Variants in NKAIN2 observed in about 807,000 individuals in gnomAD.
NKAIN2 encodes sodium/potassium-transporting ATPase subunit beta-1-interacting protein 2.
Under a neutral mutation model 32.6 loss-of-function variants are expected in NKAIN2, and 14 were observed. The observed-to-expected ratio is 0.43, with a 90% confidence interval of 0.28 to 0.67. The LOEUF is 0.67. NKAIN2 is among the 30% of genes least tolerant of loss of function. The pLI, the probability that NKAIN2 is intolerant of heterozygous loss-of-function variation, is 0.17. For synonymous variants in NKAIN2, 80 were observed against 87.2 expected (o/e 0.92, Z 0.46); for missense variants, 198 against 258.3 (o/e 0.77, Z 1.60).
At chr6:124,785,783 C>T (rs1779473737) in intron 4 of NKAIN2, among the ~76,000 whole-genome samples, 1 of 152,164 alleles carries the variant, frequency 6.6e-6, no homozygotes, top group Non-Finnish European at 1.5e-5. Flanking sequence ...GGCGGACTGG[C>T]CTCAGTACTG....
chr6:124,563,890 A>C (rs1780799871), intron 3 of NKAIN2, among the ~76,000 whole-genome samples: 1 of 151,100 alleles, frequency 6.6e-6, no homozygotes, highest in Non-Finnish European at 1.5e-5. Flanking sequence ...GTGTATCATC[A>C]CATGTAGAGG....
At chr6:124,075,063 T>C (rs924794491) in intron 1 of NKAIN2, among the ~76,000 whole-genome samples, 1 of 152,210 alleles carries the variant, frequency 6.6e-6, no homozygotes, top group Non-Finnish European at 1.5e-5. Context: ...AGTCCTGTGA[T>C]AGATATTTAT....
At chr6:124,258,105 A>G (rs1168373797) in intron 1 of NKAIN2, among the ~76,000 whole-genome samples, 2 of 151,324 alleles carry the variant, frequency 1.3e-5, no homozygotes, top group South Asian at 4.2e-4. Flanking sequence ...AAACAGGCAT[A>G]TGAAGCAGAT....
At chr6:124,612,253 AAAAT>A (rs1469163362) in intron 3 of NKAIN2, among the ~76,000 whole-genome samples, 1 of 152,030 alleles carries the variant, frequency 6.6e-6, no homozygotes, top group Non-Finnish European at 1.5e-5. Context: ...GGGGGAAAAA[AAAAT>A]AAAAACTGCT....
intron 1 of NKAIN2, among the ~76,000 whole-genome samples, chr6:124,225,832 T>C (rs545509285): frequency 1.4e-4 from 22 of 152,146 alleles, no homozygotes; most frequent in African/African-American, 4.8e-4. Context: ...GAATATGTCA[T>C]AGGATCCAGA....
intron 3 of NKAIN2, among the ~76,000 whole-genome samples, chr6:124,583,875 A>G (rs186333876): frequency 1.1e-3 from 171 of 152,352 alleles, no homozygotes; most frequent in African/African-American, 3.7e-3. Flanking sequence ...TAAAGGTGCC[A>G]AGAACATACA....
chr6:124,513,438 C>T (rs936917941), intron 3 of NKAIN2, among the ~76,000 whole-genome samples: 4 of 152,046 alleles, frequency 2.6e-5, no homozygotes, highest in African/African-American at 9.7e-5. Context: ...AATATTGTAT[C>T]CAGAGGCTAT....
At chr6:124,630,144 A>G (rs1472579093) in intron 3 of NKAIN2, among the ~76,000 whole-genome samples, 1 of 152,168 alleles carries the variant, frequency 6.6e-6, no homozygotes, top group Non-Finnish European at 1.5e-5. Context: ...CAGTATTGGT[A>G]TTTAGAAGTA....
intron 2 of NKAIN2, among the ~76,000 whole-genome samples, chr6:124,346,126 C>A (rs1281735348): frequency 6.6e-6 from 1 of 152,064 alleles, no homozygotes; most frequent in African/African-American, 2.4e-5. Context: ...TGTTCAGTTT[C>A]CATGTAGTTG....
At chr6:124,769,240 A>G (rs1583828831) in intron 4 of NKAIN2, among the ~76,000 whole-genome samples, 1 of 152,180 alleles carries the variant, frequency 6.6e-6, no homozygotes, top group Non-Finnish European at 1.5e-5. Context: ...GTGAGACATA[A>G]TGATAAGAAA....
intron 4 of NKAIN2, among the ~76,000 whole-genome samples, chr6:124,760,899 G>A (rs1269981533): frequency 6.6e-6 from 1 of 152,066 alleles, no homozygotes; most frequent in East Asian, 1.9e-4. Flanking sequence ...ACGGATTTTT[G>A]TCTGCTTTTT....
At chr6:123,954,744 C>T (rs1158946512) in intron 1 of NKAIN2, among the ~76,000 whole-genome samples, 1 of 152,126 alleles carries the variant, frequency 6.6e-6, no homozygotes, top group African/African-American at 2.4e-5. Flanking sequence ...GAAGGGTCTC[C>T]AGATCCTTTC....
chr6:124,806,704 A>C (rs1780581514), intron 5 of NKAIN2, among the ~76,000 whole-genome samples: 1 of 152,174 alleles, frequency 6.6e-6, no homozygotes, highest in Admixed American at 6.5e-5. Flanking sequence ...AAATTGGATA[A>C]AGAGTCAAGA....
chr6:124,676,879 C>T (rs767388348), intron 4 of NKAIN2, among the ~76,000 whole-genome samples: 47 of 152,082 alleles, frequency 3.1e-4, no homozygotes, highest in Non-Finnish European at 5.4e-4. Context: ...ACATTTAGCC[C>T]ATGTGAATAC....
intron 1 of NKAIN2, among the ~76,000 whole-genome samples, chr6:124,225,460 A>G (rs936586991): frequency 2.6e-5 from 4 of 151,688 alleles, no homozygotes; most frequent in African/African-American, 9.7e-5. Flanking sequence ...ACTTTTTTTT[A>G]TTTCTCTAAA....
intron 3 of NKAIN2, among the ~76,000 whole-genome samples, chr6:124,590,718 A>G (rs1050178018): frequency 1.3e-5 from 2 of 152,356 alleles, no homozygotes; most frequent in South Asian, 2.1e-4. Flanking sequence ...AGAGTTCTTC[A>G]TAACAGGAAC....
intron 2 of NKAIN2, among the ~76,000 whole-genome samples, chr6:124,345,801 A>AT (rs1400200967): frequency 1.4e-4 from 21 of 151,976 alleles, no homozygotes. Flanking sequence ...GGATTCATTA[A>AT]TTTTTTGAAG....
At chr6:124,348,270 C>T (rs561610605) in intron 2 of NKAIN2, among the ~76,000 whole-genome samples, 51 of 150,736 alleles carry the variant, frequency 3.4e-4, no homozygotes, top group African/African-American at 1.2e-3. Flanking sequence ...TCAGGCTGCT[C>T]GGGGGTCAGG....
At chr6:124,775,994 C>T (rs1778968653) in intron 4 of NKAIN2, among the ~76,000 whole-genome samples, 1 of 152,068 alleles carries the variant, frequency 6.6e-6, no homozygotes, top group Non-Finnish European at 1.5e-5. Flanking sequence ...TGTGGAAGTA[C>T]CTCACTCCTG....
Sources: allele counts gnomAD v4.1 joint callset (sites outside exome capture counted in the v4.1 genomes callset), GRCh38; gene constraint gnomAD v4.1.1; transcripts MANE v1.5; gene names NCBI Gene and HGNC (gene_info 2026-07-23, HGNC 2026-07-21).